The following AGBL4 variants were observed in gnomAD, a reference collection of about 807,000 sequenced individuals.
AGBL4 encodes cytosolic carboxypeptidase 6.
Under a neutral mutation model 66.4 loss-of-function variants are expected in AGBL4, and 58 were observed. That is an observed-to-expected ratio of 0.87 (90% CI 0.71 to 1.09). The LOEUF (loss-of-function observed/expected upper bound fraction) is 1.09. Ranked by LOEUF, AGBL4 falls within the 50% of genes least tolerant of loss-of-function variation. The pLI, the probability that AGBL4 is intolerant of heterozygous loss-of-function variation, is 0.00. For synonymous variants in AGBL4, 234 were observed against 222.9 expected (o/e 1.05, Z -0.44); for missense variants, 579 against 631.0 (o/e 0.92, Z 0.88).
intron 4 of AGBL4, among the ~76,000 whole-genome samples, chr1:49,232,423 G>C (rs915485929): frequency 6.6e-6 from 1 of 152,072 alleles, no homozygotes; most frequent in African/African-American, 2.4e-5. Context: ...AGTTGGCTGG[G>C]CGCGGTGGCT....
At chr1:49,211,701 AG>A (rs1648683435) in intron 4 of AGBL4, among the ~76,000 whole-genome samples, 1 of 152,132 alleles carries the variant, frequency 6.6e-6, no homozygotes, top group African/African-American at 2.4e-5. Flanking sequence ...ACAGACAAGT[AG>A]GTAGTTAACT....
intron 5 of AGBL4, among the ~76,000 whole-genome samples, chr1:48,921,609 A>C (rs1002335919): frequency 5.9e-5 from 9 of 152,148 alleles, no homozygotes; most frequent in African/African-American, 2.2e-4. Context: ...TGGCATTGCT[A>C]TTATAATATA....
In AGBL4 at chr1:48,974,218, G is replaced by C. The variant is rs921742461; in HGVS notation, c.594+71366C>G. Among the ~76,000 whole-genome samples the C allele has an allele frequency of 5.3e-5, 8 of 152,096 alleles. 1 individual carries two copies. The highest frequency in any genetic ancestry group is 1.4e-4 in the African/African-American group (6 of 41,432). On this transcript the variant is annotated intron_variant, in intron 5 of 13. Coordinates refer to ENST00000371839, the MANE Select transcript of AGBL4 (RefSeq NM_032785.4). ...TGCAGTGCAGTTCTAAGGAAAGATA[G>C]ACAAGGCCAACAGAGAGAGCTTGAG...
intron 2 of AGBL4, among the ~76,000 whole-genome samples, chr1:49,751,021 T>C (rs917116691): frequency 1.3e-5 from 2 of 152,232 alleles, no homozygotes; most frequent in Non-Finnish European, 2.9e-5. Flanking sequence ...TATACAATCA[T>C]GTCATCTGCA....
intron 3 of AGBL4, among the ~76,000 whole-genome samples, chr1:49,388,426 C>A (rs1644781274): frequency 6.6e-6 from 1 of 152,070 alleles, no homozygotes; most frequent in African/African-American, 2.4e-5. Flanking sequence ...GTAGTACTTT[C>A]TAAAGCATAT....
At position 48,590,901 on chromosome 1, in the gene AGBL4, C is replaced by T. The variant is rs762239622; in HGVS notation, c.1036G>A (p.Glu346Lys). 1.9e-6 allele frequency: 3 copies of T among 1,609,164 alleles called. No homozygotes were observed. Among genetic ancestry groups the T allele is most frequent in the Non-Finnish European group, 1.7e-6 (2 of 1,177,946 alleles). Residue 346 changes from glutamate to lysine, a missense_variant, in exon 10 of 14, where the codon GAG becomes AAG. Transcript: ENST00000371839. ...ATGGCCTGCCTCTGGAACCGTTCCT[C>T]ATCCTCAAAGATGTTGCCATACATG... is the stretch of plus-strand genomic sequence containing the variant. ...GFMYGNIFED[E>K]ERFQRQAIFP...
chr1:49,331,195 C>A (rs1195950196), intron 3 of AGBL4, among the ~76,000 whole-genome samples: 1 of 152,228 alleles, frequency 6.6e-6, no homozygotes, highest in South Asian at 2.1e-4. Context: ...CCCCAGGACC[C>A]CAGAGAAAGG....
intron 4 of AGBL4, among the ~76,000 whole-genome samples, chr1:49,163,846 T>TA (rs1169436603): frequency 2.6e-5 from 4 of 151,984 alleles, no homozygotes; most frequent in African/African-American, 4.8e-5. Context: ...AGGATCACAA[T>TA]AAAAAAATGA....
intron 3 of AGBL4, among the ~76,000 whole-genome samples, chr1:49,571,948 G>C (rs573611491): frequency 2.1e-4 from 32 of 152,094 alleles, no homozygotes; most frequent in Admixed American, 1.4e-3. Flanking sequence ...ATCTTTTTAT[G>C]TTCTGTTGGA....
intron 3 of AGBL4, among the ~76,000 whole-genome samples, chr1:49,491,750 A>G (rs1390452177): frequency 6.6e-6 from 1 of 151,900 alleles, no homozygotes; most frequent in Non-Finnish European, 1.5e-5. Flanking sequence ...TGGGACAGTC[A>G]GGATTAAAAT....
At chr1:48,871,353 T>TTGTGCGTGTGTG (rs1553247483) in intron 5 of AGBL4, among the ~76,000 whole-genome samples, 7 of 140,978 alleles carry the variant, frequency 5.0e-5, no homozygotes, top group Non-Finnish European at 7.9e-5. Flanking sequence ...GTAGTAGTGG[T>TTGTGCGTGTGTG]TGTGTGTGTG....
chr1:49,546,424 T>G (rs1652495059), intron 3 of AGBL4, among the ~76,000 whole-genome samples: 2 of 152,104 alleles, frequency 1.3e-5, no homozygotes, highest in South Asian at 4.2e-4. Flanking sequence ...TGGTGGGCAT[T>G]TGGGTTGGTT....
chr1:48,937,087 T>C (rs2148910354), intron 5 of AGBL4, among the ~76,000 whole-genome samples: 2 of 152,354 alleles, frequency 1.3e-5, no homozygotes, highest in Non-Finnish European at 2.9e-5. Flanking sequence ...AATGTGACTT[T>C]CCTGATATCT....
chr1:49,413,437 G>C (rs1645359401), intron 3 of AGBL4, among the ~76,000 whole-genome samples: 1 of 152,194 alleles, frequency 6.6e-6, no homozygotes, highest in South Asian at 2.1e-4. Context: ...AAAGCAGTTT[G>C]AAAGAATTGT....
chr1:49,312,831 C>G (rs1433392836), intron 3 of AGBL4, among the ~76,000 whole-genome samples: 1 of 152,088 alleles, frequency 6.6e-6, no homozygotes, highest in African/African-American at 2.4e-5. Context: ...ACACCAAACA[C>G]CAGTGAAGAT....
At chr1:49,991,166 G>A (rs1031581976) in intron 1 of AGBL4, among the ~76,000 whole-genome samples, 11 of 152,148 alleles carry the variant, frequency 7.2e-5, no homozygotes, top group Middle Eastern at 3.4e-3. Flanking sequence ...CAATATTTAC[G>A]TATAATAACC....
chr1:49,770,397 T>C (rs1195059475), intron 2 of AGBL4, among the ~76,000 whole-genome samples: 4 of 152,218 alleles, frequency 2.6e-5, no homozygotes, highest in Non-Finnish European at 5.9e-5. Flanking sequence ...GATGATGTTT[T>C]TTAATTTGCT....
At chr1:49,243,662 T>C (rs1651412738) in intron 4 of AGBL4, among the ~76,000 whole-genome samples, 1 of 151,562 alleles carries the variant, frequency 6.6e-6, no homozygotes, top group African/African-American at 2.4e-5. Flanking sequence ...TCTACAACAG[T>C]GCATAGCACA....
intron 1 of AGBL4, among the ~76,000 whole-genome samples, chr1:49,959,838 A>G (rs776569082): frequency 6.6e-6 from 1 of 152,132 alleles, no homozygotes; most frequent in Non-Finnish European, 1.5e-5. Flanking sequence ...AAACCATGAA[A>G]TACTATGCAG....
Sources: allele counts gnomAD v4.1 joint callset (sites outside exome capture counted in the v4.1 genomes callset), GRCh38; gene constraint gnomAD v4.1.1; transcripts MANE v1.5; gene names NCBI Gene and HGNC (gene_info 2026-07-23, HGNC 2026-07-21).